Variants in GALNTL6 observed in about 807,000 individuals in gnomAD.
GALNTL6 encodes the protein polypeptide N-acetylgalactosaminyltransferase like 6.
In GALNTL6, 46 loss-of-function variants were observed where a neutral mutation model predicts 73.7. The ratio of observed to expected loss-of-function variants is 0.62; its 90% CI spans 0.49 to 0.80. GALNTL6 has a LOEUF of 0.80. Among genes scored for constraint, GALNTL6 ranks in the 30% least tolerant of loss-of-function variants. The pLI is 0.00. For synonymous variants in GALNTL6, 259 were observed against 263.7 expected (o/e 0.98, Z 0.17); for missense variants, 604 against 755.0 (o/e 0.80, Z 2.34).
At chr4:172,641,792 C>G (rs570677638) in intron 5 of GALNTL6, among the ~76,000 whole-genome samples, 1 of 151,980 alleles carries the variant, frequency 6.6e-6, no homozygotes, top group Admixed American at 6.6e-5. Context: ...TTTAAGTGCT[C>G]TAGTGCAGGA....
chr4:172,707,452 T>C (rs1300449051), intron 5 of GALNTL6, among the ~76,000 whole-genome samples: 1 of 152,172 alleles, frequency 6.6e-6, no homozygotes, highest in Admixed American at 6.5e-5. Flanking sequence ...AGCAAAAGAT[T>C]AAATCTTATC....
At chr4:172,636,293 T>C in intron 5 of GALNTL6, among the ~76,000 whole-genome samples, 1 of 152,212 alleles carries the variant, frequency 6.6e-6, no homozygotes, top group East Asian at 1.9e-4. Flanking sequence ...CTTTATACTG[T>C]AAATAACTGA....
At chr4:172,774,657 A>AC (rs1738970042) in intron 5 of GALNTL6, among the ~76,000 whole-genome samples, 1 of 152,040 alleles carries the variant, frequency 6.6e-6, no homozygotes, top group Admixed American at 6.6e-5. Flanking sequence ...TTAGGGAGGT[A>AC]TTTTTTTAAA....
chr4:172,916,480 T>C (rs199969220), intron 8 of GALNTL6, among the ~76,000 whole-genome samples: 1 of 152,170 alleles, frequency 6.6e-6, no homozygotes, highest in South Asian at 2.1e-4. Flanking sequence ...GATGACATGA[T>C]TGTATATTTA....
chr4:172,801,410 C>T (rs1439052343), intron 5 of GALNTL6, among the ~76,000 whole-genome samples: 1 of 152,120 alleles, frequency 6.6e-6, no homozygotes, highest in East Asian at 1.9e-4. Context: ...CTCCCCCTAC[C>T]TCTTACACAT....
intron 5 of GALNTL6, among the ~76,000 whole-genome samples, chr4:172,604,601 G>C (rs1326779582): frequency 6.6e-6 from 1 of 152,024 alleles, no homozygotes; most frequent in African/African-American, 2.4e-5. Flanking sequence ...AAATTTAAAG[G>C]TAACAAAATT....
chr4:172,208,853 C>T (rs753252147), intron 2 of GALNTL6, among the ~76,000 whole-genome samples: 1 of 151,808 alleles, frequency 6.6e-6, no homozygotes, highest in Non-Finnish European at 1.5e-5. Flanking sequence ...TGTGAGAAAC[C>T]GAAGAACCAT....
At chr4:171,950,927 G>A (rs11936836) in intron 2 of GALNTL6, among the ~76,000 whole-genome samples, 3,526 of 151,980 alleles carry the variant, frequency 0.023, 97 homozygotes, top group East Asian at 0.066. Context: ...TGTAAAAAAG[G>A]AAGAAAAATA....
intron 10 of GALNTL6, among the ~76,000 whole-genome samples, chr4:172,961,087 T>C (rs1579712334): frequency 2.9e-5 from 1 of 34,198 alleles, no homozygotes; most frequent in Admixed American, 4.5e-4. Context: ...TCCAGGAAAG[T>C]GGAGAAGGGG....
intron 2 of GALNTL6, among the ~76,000 whole-genome samples, chr4:171,819,121 G>A (rs895432348): frequency 1.3e-5 from 2 of 151,926 alleles, no homozygotes; most frequent in Non-Finnish European, 2.9e-5. Flanking sequence ...CTACACTCAG[G>A]ATGGCACATT....
intron 5 of GALNTL6, among the ~76,000 whole-genome samples, chr4:172,671,126 T>C (rs568206424): frequency 6.6e-6 from 1 of 152,300 alleles, no homozygotes; most frequent in South Asian, 2.1e-4. Flanking sequence ...TTGCCTTAGC[T>C]ATTCAGGCTC....
intron 5 of GALNTL6, among the ~76,000 whole-genome samples, chr4:172,769,909 G>A (rs537774547): frequency 6.4e-4 from 98 of 152,148 alleles, no homozygotes; most frequent in Non-Finnish European, 1.3e-3. Flanking sequence ...CTATTTAACC[G>A]GTTTGACCCT....
At chr4:172,859,940 G>T (rs550500305) in intron 7 of GALNTL6, among the ~76,000 whole-genome samples, 269 of 152,114 alleles carry the variant, frequency 1.8e-3, no homozygotes, top group Non-Finnish European at 3.2e-3. Flanking sequence ...TAAGCTCAAG[G>T]CTCCCACTGT....
intron 2 of GALNTL6, among the ~76,000 whole-genome samples, chr4:172,196,528 A>T (rs922817471): frequency 2.0e-5 from 3 of 152,322 alleles, no homozygotes; most frequent in African/African-American, 7.2e-5. Flanking sequence ...CCTGCTGAAC[A>T]TTGATGCAAA....
At chr4:172,583,276 T>C (rs556324507) in intron 5 of GALNTL6, among the ~76,000 whole-genome samples, 1 of 152,170 alleles carries the variant, frequency 6.6e-6, no homozygotes, top group Non-Finnish European at 1.5e-5. Flanking sequence ...CCAATGTATC[T>C]TATAATATTT....
chr4:172,839,172 G>T lies in GALNTL6; in HGVS notation c.923+25449G>T, dbSNP rs565435930. On this transcript the variant is annotated intron_variant, in intron 7 of 12. Coordinates refer to ENST00000506823, the MANE Select transcript of GALNTL6 (RefSeq NM_001034845.3). ...TCTGCAACCCACACCCTTTGGGAGG[G>T]GCCCCAAGGTTGCAGGTCTGAGCCG... is the stretch of plus-strand genomic sequence containing the variant. Among the ~76,000 whole-genome samples, 18 of 152,270 alleles carry T rather than the reference G, an allele frequency of 1.2e-4. No individual in the cohort carries two copies. In the South Asian group the frequency reaches 3.7e-3, roughly 32 times the overall value.
chr4:172,641,829 T>C (rs1418549476), intron 5 of GALNTL6, among the ~76,000 whole-genome samples: 3 of 152,118 alleles, frequency 2.0e-5, no homozygotes, highest in Admixed American at 6.6e-5. Context: ...TTCCCTGATA[T>C]ATTCAAATTC....
At chr4:172,743,876 A>G (rs1325427116) in intron 5 of GALNTL6, among the ~76,000 whole-genome samples, 2 of 147,886 alleles carry the variant, frequency 1.4e-5, no homozygotes, top group African/African-American at 5.2e-5. Flanking sequence ...AGATCCATCT[A>G]TCTTCTGCAC....
chr4:172,495,774 A>C (rs1411839742), intron 5 of GALNTL6, among the ~76,000 whole-genome samples: 1 of 152,228 alleles, frequency 6.6e-6, no homozygotes, highest in Non-Finnish European at 1.5e-5. Flanking sequence ...CATTTCTAAT[A>C]AGCTTCTATT....
Sources: gnomAD v4.1 joint callset for allele counts (sites outside exome capture counted in the v4.1 genomes callset) on GRCh38, gnomAD v4.1.1 for gene constraint, MANE v1.5 for transcripts, NCBI Gene and HGNC (gene_info 2026-07-23, HGNC 2026-07-21) for gene names.